The following POF1B variants were observed in gnomAD, a reference collection of about 807,000 sequenced individuals.
The protein encoded by POF1B is POF1B actin binding protein.
Under a neutral mutation model 55.3 loss-of-function variants are expected in POF1B, and 53 were observed. That is an observed-to-expected ratio of 0.96 (90% CI 0.77 to 1.20). The LOEUF is 1.20. Ranked by LOEUF, POF1B falls within the 50% of genes most tolerant of loss-of-function variation. POF1B has a pLI of 0.00. For missense variants in POF1B, 478 were observed against 420.5 expected (o/e 1.14, Z -1.20); for synonymous variants, 188 against 148.3 (o/e 1.27, Z -1.95).
intron 7 of POF1B, among the ~76,000 whole-genome samples, chrX:85,328,841 AAAAC>A (rs1051040217): frequency 2.7e-5 from 3 of 109,127 alleles, no homozygotes; most frequent in African/African-American, 1.0e-4. Flanking sequence ...GTAAAAAAAA[AAAAC>A]AAAACAAACA....
At chrX:85,350,111 C>T (rs1286295568) in intron 5 of POF1B, among the ~76,000 whole-genome samples, 2 of 109,852 alleles carry the variant, frequency 1.8e-5, no homozygotes, top group Non-Finnish European at 3.8e-5. Context: ...TATACATGTG[C>T]CATGCTGGTG....
rs758395843 is a variant in POF1B at position 85,289,487 on chromosome X, A to G, written c.1650-7170T>C. Among the ~76,000 whole-genome samples the G allele has an allele frequency of 1.3e-4, 14 of 111,720 alleles. No individual in the cohort carries two copies. The Admixed American group carries it at 1.3e-3, about 11-fold the overall frequency. ...GCTGAATGTGGGTCAAAGAAATGCA[A>G]ATATCCTGAACTGCGATGGCAGCTC... On this transcript the variant is annotated intron_variant, in intron 15 of 16. Coordinates refer to ENST00000262753, the MANE Select transcript of POF1B (RefSeq NM_024921.4).
At chrX:85,296,450 C>T (rs1039710200) in intron 15 of POF1B, among the ~76,000 whole-genome samples, 1 of 111,921 alleles carries the variant, frequency 8.9e-6, no homozygotes. Context: ...AATAAATTCC[C>T]TTAGTGTTTT....
chrX:85,362,359 A>C (rs1027034241), intron 3 of POF1B, among the ~76,000 whole-genome samples: 4 of 111,420 alleles, frequency 3.6e-5, no homozygotes, highest in Non-Finnish European at 7.5e-5. Flanking sequence ...TTTCCCTTTC[A>C]CTATGATGTT....
At chrX:85,298,689 C>T (rs1932368252) in intron 15 of POF1B, among the ~76,000 whole-genome samples, 1 of 111,692 alleles carries the variant, frequency 9.0e-6, no homozygotes, top group African/African-American at 3.3e-5. Flanking sequence ...TCTACTTGGC[C>T]ATCTTGTCCC....
At chrX:85,328,691 A>G (rs769295177) in intron 7 of POF1B, among the ~76,000 whole-genome samples, 1 of 110,732 alleles carries the variant, frequency 9.0e-6, no homozygotes, top group South Asian at 3.8e-4. Context: ...CTCCCCACAG[A>G]ATTTCTAATT....
chrX:85,332,698 A>G (rs1387713784), intron 6 of POF1B, among the ~76,000 whole-genome samples: 6 of 111,417 alleles, frequency 5.4e-5, no homozygotes, highest in African/African-American at 1.9e-4. Context: ...TCATAATTAC[A>G]TTTGTGACAC....
At chrX:85,316,492 A>G (rs1932788469) in intron 7 of POF1B, among the ~76,000 whole-genome samples, 1 of 110,940 alleles carries the variant, frequency 9.0e-6, no homozygotes, top group African/African-American at 3.3e-5. Context: ...ATACATTGAT[A>G]GTGTTGTCTG....
intron 15 of POF1B, among the ~76,000 whole-genome samples, chrX:85,289,534 T>C (rs1569278749): frequency 9.0e-6 from 1 of 111,375 alleles, no homozygotes; most frequent in Non-Finnish European, 1.9e-5. Context: ...ATATATCCAA[T>C]AGTGTAAAAA....
At chrX:85,281,339 A>C (rs1021413539) in intron 16 of POF1B, among the ~76,000 whole-genome samples, 1 of 111,018 alleles carries the variant, frequency 9.0e-6, no homozygotes, top group Non-Finnish European at 1.9e-5. Context: ...GGACTTGAGC[A>C]TCTACAGATT....
intron 2 of POF1B, 78 bp from the exon 3 acceptor site, chrX:85,367,844 T>C (rs1277474073): frequency 1.6e-6 from 1 of 629,507 alleles, no homozygotes; most frequent in Non-Finnish European, 2.5e-6. Flanking sequence ...TTTATTTTTA[T>C]AATAATGTGG....
chrX:85,289,184 C>T (rs1301957669), intron 15 of POF1B, among the ~76,000 whole-genome samples: 4 of 111,154 alleles, frequency 3.6e-5, no homozygotes, highest in Non-Finnish European at 7.5e-5. Context: ...ACCACTCAGG[C>T]GCATGCAGAA....
chrX:85,321,970 C>T (rs1402265884), intron 7 of POF1B, among the ~76,000 whole-genome samples: 4 of 110,601 alleles, frequency 3.6e-5, no homozygotes, highest in Admixed American at 1.9e-4. Flanking sequence ...AAGAACATTC[C>T]ATGTTCATGG....
At chrX:85,318,551 C>T (rs962892269) in intron 7 of POF1B, among the ~76,000 whole-genome samples, 2 of 111,281 alleles carry the variant, frequency 1.8e-5, no homozygotes, top group African/African-American at 6.5e-5. Context: ...TTTTGTATAT[C>T]GTATAAGGAG....
intron 7 of POF1B, among the ~76,000 whole-genome samples, chrX:85,330,522 G>C: frequency 9.0e-6 from 1 of 111,487 alleles, no homozygotes; most frequent in Middle Eastern, 4.7e-3. Context: ...CCAAGATGTT[G>C]CTTGTGCCAT....
At chrX:85,328,845 C>A (rs1206011110) in intron 7 of POF1B, among the ~76,000 whole-genome samples, 18 of 100,811 alleles carry the variant, frequency 1.8e-4, no homozygotes, top group African/African-American at 2.2e-4. Context: ...AAAAAAAAAA[C>A]AAAACAAACA....
intron 16 of POF1B, among the ~76,000 whole-genome samples, chrX:85,281,567 C>A (rs1206623786): frequency 9.1e-6 from 1 of 109,623 alleles, no homozygotes; most frequent in Non-Finnish European, 1.9e-5. Flanking sequence ...TGTCACCTGG[C>A]CATTTTGGAG....
At chrX:85,288,411 G>T (rs1268825884) in intron 15 of POF1B, among the ~76,000 whole-genome samples, 1 of 111,391 alleles carries the variant, frequency 9.0e-6, no homozygotes, top group East Asian at 2.9e-4. Flanking sequence ...TCTACAATGA[G>T]AGGAGCAAGC....
chrX:85,357,101 TAC>T (rs1933518063), intron 4 of POF1B, among the ~76,000 whole-genome samples: 1 of 110,958 alleles, frequency 9.0e-6, no homozygotes, highest in African/African-American at 3.3e-5. Flanking sequence ...TCCTCCTATT[TAC>T]AGAGACAACC....
Sources: allele counts gnomAD v4.1 joint callset (sites outside exome capture counted in the v4.1 genomes callset), GRCh38; gene constraint gnomAD v4.1.1; transcripts MANE v1.5; gene names NCBI Gene and HGNC (gene_info 2026-07-23, HGNC 2026-07-21).